FANCM: variants seen among roughly 807,000 people sequenced by gnomAD.
FANCM encodes Fanconi anemia group M protein.
Under a neutral mutation model 199.5 loss-of-function variants are expected in FANCM, and 140 were observed. The ratio of observed to expected loss-of-function variants is 0.70; its 90% CI spans 0.61 to 0.81. The LOEUF is 0.81. Among genes scored for constraint, FANCM ranks in the 30% least tolerant of loss-of-function variants. FANCM has a pLI of 0.00. For missense variants in FANCM, 2,410 were observed against 2,421.4 expected, an observed-to-expected ratio of 1.00 and a Z score of 0.10; for synonymous variants, 840 against 836.8, an observed-to-expected ratio of 1.00 and a Z score of -0.07.
Position 45,167,183 on chromosome 14 carries a change from G to T in FANCM, c.2002+20G>T. The T allele has an allele frequency of 1.4e-6, 2 of 1,434,490 alleles. No homozygotes were observed. The highest frequency in any genetic ancestry group is 2.3e-5 in the South Asian group (2 of 87,480). The allele number at this position is 1,434,490 out of a possible 1,614,324, so 88.9% of individuals were successfully genotyped here. A position where few individuals can be genotyped will look rare whatever the true frequency, so the allele number is the denominator to read the frequency against. Reference sequence around the variant, plus strand: ...GGGATGGTAAATAAATTTTGCATTTGACACATGCATTTTTCCCCTGTTCTT... The same window carrying T: ...GGGATGGTAAATAAATTTTGCATTTTACACATGCATTTTTCCCCTGTTCTT... On this transcript the variant is annotated intron_variant, in intron 11 of 22. Coordinates refer to ENST00000267430, the MANE Select transcript of FANCM (RefSeq NM_020937.4).
At position 45,136,084 on chromosome 14, in the gene FANCM, G is replaced by T; in HGVS notation, c.53G>T (p.Arg18Leu). The T allele has an allele frequency of 6.2e-7, 1 of 1,614,024 alleles. No homozygotes were observed. The highest frequency in any genetic ancestry group is 1.1e-5 in the South Asian group (1 of 91,072). The change falls in exon 1 of 23, where the codon CGA (arginine) becomes CTA (leucine). Residue 18 changes from arginine (R) to leucine (L), a missense_variant. Arg to Leu is a moderately radical substitution (Grantham distance 102). Coordinates refer to ENST00000267430, the MANE Select transcript of FANCM (RefSeq NM_020937.4). ...CAGACGTGGGGCTCAAGTATCTCCC[G>T]ATCATCTGGGACTCCGGGTTGCAGC... ...LFQTWGSSIS[R>L]SSGTPGCSSG...
chr14:45,161,709 C>G (rs372455260), intron 9 of FANCM, among the ~76,000 whole-genome samples: 1 of 151,746 alleles, frequency 6.6e-6, no homozygotes, highest in Non-Finnish European at 1.5e-5. Context: ...GCCCAGAGGT[C>G]GAAGCTCCAG....
At chr14:45,199,726 T>C (rs1890258156) in intron 22 of FANCM, 144 bp from the exon 23 acceptor site, 3 of 649,090 alleles carry the variant, frequency 4.6e-6, no homozygotes, top group Non-Finnish European at 8.1e-6. Context: ...TTATCCAAAC[T>C]AATGTTCAAG....
chr14:45,137,577 A>C (rs1885611859), intron 2 of FANCM: 1 of 312,002 alleles, frequency 3.2e-6, no homozygotes, highest in Admixed American at 4.8e-5. Flanking sequence ...TGAAATTAAT[A>C]AAGATTGGTA....
rs762328653 is a variant in FANCM, at chr14:45,176,991, T to TA, written c.4222+15_4222+16insA. On this transcript the variant is annotated intron_variant, in intron 14 of 22. Coordinates refer to ENST00000267430, the MANE Select transcript of FANCM (RefSeq NM_020937.4). ...TTCTGTTGAAGGTAAGATTCCATCT[T>TA]TATAAAGTCTATAACTCTTTCTAGA... 70 of 1,461,400 alleles carry TA rather than the reference T, an allele frequency of 4.8e-5. No homozygotes were observed. The highest frequency in any genetic ancestry group is 6.4e-5 in the Non-Finnish European group (67 of 1,042,768). The allele number at this position is 1,461,400 out of a possible 1,614,324, so 90.5% of individuals were successfully genotyped here.
At chr14:45,164,044 CAA>C (rs1469682910) in intron 9 of FANCM, among the ~76,000 whole-genome samples, 1 of 152,182 alleles carries the variant, frequency 6.6e-6, no homozygotes, top group Admixed American at 6.5e-5. Context: ...CTCCTGGGCT[CAA>C]GAGATCCTCC....
chr14:45,155,052 A>G (rs1251363461), intron 7 of FANCM, among the ~76,000 whole-genome samples: 4 of 152,236 alleles, frequency 2.6e-5, no homozygotes, highest in Non-Finnish European at 4.4e-5. Context: ...AACTTTAAAC[A>G]TATAACAGAT....
chr14:45,151,367 G>A, intron 4 of FANCM, 30 bp from the exon 5 acceptor site: 4 of 1,605,056 alleles, frequency 2.5e-6, no homozygotes, highest in Non-Finnish European at 3.4e-6. Flanking sequence ...TTTAGAGCAA[G>A]CTTAAACTAG....
chr14:45,186,381 G>C lies in FANCM; in HGVS notation c.4672+1008G>C, dbSNP rs541263166. Among the ~76,000 whole-genome samples, 10 of 152,328 alleles carry C rather than the reference G, an allele frequency of 6.6e-5. No homozygotes were observed. The East Asian group carries it at 9.6e-4, about 15-fold the overall frequency. ...AAAACAGTGTGTTCATCCAATGCTT[G>C]AACGGATCTTACATACAATATATTT... On this transcript the variant is annotated intron_variant, in intron 18 of 22. Transcript: ENST00000267430.
intron 16 of FANCM, 43 bp downstream of exon 16, chr14:45,181,748 G>A (rs1239606886): frequency 7.7e-7 from 1 of 1,302,420 alleles, no homozygotes; most frequent in African/African-American, 1.5e-5. Flanking sequence ...AAATTCCTTT[G>A]GAATAAAAAT....
rs1471440513 is a variant in FANCM, at chr14:45,189,148, C to T, written c.5126C>T (p.Pro1709Leu). The part of the protein sequence containing the change: ...KQQDHCLNSV[P>L]SGSSAQSKVR... ...CAGGACCATTGTTTAAATTCAGTGC[C>T]TTCTGGATCTTCTGCGCAGTCCAAG... Residue 1709 changes from proline (P) to leucine (L), a missense_variant, in exon 20 of 23, where the codon CCT becomes CTT. Pro to Leu is a moderately conservative substitution (Grantham distance 98). Coordinates refer to ENST00000267430, the MANE Select transcript of FANCM (RefSeq NM_020937.4). The T allele has an allele frequency of 6.2e-7, 1 of 1,614,114 alleles. No homozygotes were observed. Among genetic ancestry groups the T allele is most frequent in the Admixed American group, 1.7e-5 (1 of 60,012 alleles).
rs774526380 is a variant in FANCM, at chr14:45,181,662, C to T, written c.4343C>T (p.Ser1448Phe). Residue 1448 changes from serine (S) to phenylalanine (F), a missense_variant, in exon 16 of 23, where the codon TCT becomes TTT. Transcript: ENST00000267430. ...PEDQKNSEVD[S>F]PLHAVKKRRF... ...GATCAGAAAAATAGTGAAGTTGATT[C>T]TCCACTTCATGCTGTCAAAAAGCGC... is the stretch of plus-strand genomic sequence containing the variant. The T allele has an allele frequency of 1.6e-5, 26 of 1,610,688 alleles. No homozygotes were observed. Among genetic ancestry groups the T allele is most frequent in the South Asian group, 3.3e-5 (3 of 90,956 alleles).
At chr14:45,141,418 C>T (rs1256816973) in intron 3 of FANCM, among the ~76,000 whole-genome samples, 3 of 150,910 alleles carry the variant, frequency 2.0e-5, no homozygotes, top group African/African-American at 7.3e-5. Flanking sequence ...ATGAGAACTA[C>T]AACATTTCCT....
At chr14:45,180,254 G>A (rs1888981356) in intron 14 of FANCM, among the ~76,000 whole-genome samples, 1 of 152,126 alleles carries the variant, frequency 6.6e-6, no homozygotes, top group African/African-American at 2.4e-5. Context: ...AGTGGTTCTG[G>A]CCTAGGATAT....
chr14:45,140,554 G>GTATA, intron 2 of FANCM, 78 bp from the exon 3 acceptor site: 1 of 784,974 alleles, frequency 1.3e-6, no homozygotes, highest in East Asian at 2.4e-5. Flanking sequence ...AAGGGACCAT[G>GTATA]TATAATAGGT....
chr14:45,178,278 T>G (rs1888842393), intron 14 of FANCM, among the ~76,000 whole-genome samples: 1 of 152,210 alleles, frequency 6.6e-6, no homozygotes, highest in African/African-American at 2.4e-5. Flanking sequence ...ACATATATAT[T>G]TTTTCAAAGT....
At chr14:45,156,093 T>C (rs1257216738) in intron 8 of FANCM, among the ~76,000 whole-genome samples, 1 of 152,174 alleles carries the variant, frequency 6.6e-6, no homozygotes, top group Non-Finnish European at 1.5e-5. Context: ...CTGTTTTATA[T>C]AGCATGGTTA....
chr14:45,174,349 C>T (rs896107511), intron 13 of FANCM, among the ~76,000 whole-genome samples: 3 of 150,968 alleles, frequency 2.0e-5, no homozygotes, highest in South Asian at 2.1e-4. Flanking sequence ...ATCAAGTCAC[C>T]GTACTCCAGC....
chr14:45,198,451 GGC>G, intron 21 of FANCM, 191 bp from the exon 22 acceptor site: 1 of 457,234 alleles, frequency 2.2e-6, no homozygotes, highest in Non-Finnish European at 3.9e-6. Context: ...TCCAGCTCAA[GGC>G]GCTCATAGTT....
Sources: gnomAD v4.1 joint callset for allele counts (sites outside exome capture counted in the v4.1 genomes callset) on GRCh38, gnomAD v4.1.1 for gene constraint, MANE v1.5 for transcripts, NCBI Gene and HGNC (gene_info 2026-07-23, HGNC 2026-07-21) for gene names.